The following GRID1 variants were observed in gnomAD, a reference collection of about 807,000 sequenced individuals.
GRID1 encodes glutamate receptor ionotropic, delta-1.
Under a neutral mutation model 98.0 loss-of-function variants are expected in GRID1, and 28 were observed. The ratio of observed to expected loss-of-function variants is 0.29; its 90% CI spans 0.21 to 0.39. The LOEUF is 0.39. Ranked by LOEUF, GRID1 falls within the 10% of genes least tolerant of loss-of-function variation. GRID1 has a pLI of 1.00. For synonymous variants in GRID1, 553 were observed against 538.5 expected (o/e 1.03, Z -0.37); for missense variants, 1,111 against 1,340.5 (o/e 0.83, Z 2.67).
chr10:85,662,786 G>C (rs1178594834), intron 12 of GRID1, among the ~76,000 whole-genome samples: 1 of 152,162 alleles, frequency 6.6e-6, no homozygotes, highest in Admixed American at 6.5e-5. Context: ...TGTGAGGTTG[G>C]GATGAATTCT....
intron 2 of GRID1, among the ~76,000 whole-genome samples, chr10:86,262,838 A>T (rs1847038087): frequency 6.6e-6 from 1 of 151,966 alleles, no homozygotes; most frequent in African/African-American, 2.4e-5. Flanking sequence ...CTCCTTTACC[A>T]TGGAGGCTTG....
intron 4 of GRID1, among the ~76,000 whole-genome samples, chr10:85,985,475 T>C (rs1274423988): frequency 6.6e-6 from 1 of 152,174 alleles, no homozygotes; most frequent in Non-Finnish European, 1.5e-5. Context: ...AACTAGACGG[T>C]CACCTTCAGA....
At chr10:86,309,992 C>T (rs1179539990) in intron 2 of GRID1, among the ~76,000 whole-genome samples, 3 of 152,202 alleles carry the variant, frequency 2.0e-5, no homozygotes, top group Admixed American at 6.5e-5. Flanking sequence ...CCACTACCAC[C>T]CCTTTATGTC....
chr10:86,048,253 T>G (rs1193662475), intron 4 of GRID1, among the ~76,000 whole-genome samples: 1 of 152,190 alleles, frequency 6.6e-6, no homozygotes, highest in Non-Finnish European at 1.5e-5. Context: ...TAATAGAGAA[T>G]AGAAGACATT....
chr10:86,320,487 T>C (rs1340351159), intron 2 of GRID1, among the ~76,000 whole-genome samples: 1 of 151,916 alleles, frequency 6.6e-6, no homozygotes, highest in African/African-American at 2.4e-5. Flanking sequence ...GTAGTCAAAG[T>C]CAGAAGGAGA....
chr10:85,905,668 G>T (rs77572156), intron 5 of GRID1, among the ~76,000 whole-genome samples: 1 of 152,064 alleles, frequency 6.6e-6, no homozygotes, highest in African/African-American at 2.4e-5. Context: ...AATATATGTG[G>T]TGTAGTATAA....
chr10:86,140,733 AATCACT>A (rs1249727428), intron 3 of GRID1, among the ~76,000 whole-genome samples: 1 of 152,202 alleles, frequency 6.6e-6, no homozygotes, highest in African/African-American at 2.4e-5. Context: ...CCCTCAGGCA[AATCACT>A]ATCCCTTTTG....
At chr10:86,323,888 C>T (rs1457911376) in intron 2 of GRID1, among the ~76,000 whole-genome samples, 1 of 152,116 alleles carries the variant, frequency 6.6e-6, no homozygotes, top group African/African-American at 2.4e-5. Context: ...ATCATTAAAA[C>T]TTTATTGAGG....
chr10:86,062,722 C>T (rs1329254007), intron 4 of GRID1, among the ~76,000 whole-genome samples: 2 of 152,232 alleles, frequency 1.3e-5, no homozygotes, highest in Admixed American at 6.5e-5. Flanking sequence ...CTCTCACCTA[C>T]CCTTCCAGAC....
At chr10:85,834,181 T>C (rs1449623919) in intron 8 of GRID1, among the ~76,000 whole-genome samples, 1 of 152,140 alleles carries the variant, frequency 6.6e-6, no homozygotes, top group Non-Finnish European at 1.5e-5. Flanking sequence ...TCAAGACATA[T>C]CATAATAAAA....
chr10:86,102,776 G>T (rs1395178243), intron 4 of GRID1, among the ~76,000 whole-genome samples: 1 of 152,008 alleles, frequency 6.6e-6, no homozygotes, highest in Non-Finnish European at 1.5e-5. Flanking sequence ...GGAAGGGCAG[G>T]TGATATGGTT....
intron 8 of GRID1, among the ~76,000 whole-genome samples, chr10:85,804,352 C>A (rs746610800): frequency 6.6e-6 from 1 of 151,620 alleles, no homozygotes; most frequent in Non-Finnish European, 1.5e-5. Flanking sequence ...TCTAAATAGA[C>A]CTGTAACAAT....
At chr10:85,966,698 C>T (rs1055648909) in intron 4 of GRID1, among the ~76,000 whole-genome samples, 2 of 151,834 alleles carry the variant, frequency 1.3e-5, no homozygotes, top group African/African-American at 4.8e-5. Flanking sequence ...CCTGTAATCC[C>T]AGCTACTCAG....
chr10:86,101,443 C>T (rs906588605), intron 4 of GRID1, among the ~76,000 whole-genome samples: 2 of 152,112 alleles, frequency 1.3e-5, no homozygotes, highest in Admixed American at 6.5e-5. Context: ...ATCCTCCTAT[C>T]CCTAGGCCTG....
chr10:86,310,268 C>A (rs1490030181), intron 2 of GRID1, among the ~76,000 whole-genome samples: 3 of 152,192 alleles, frequency 2.0e-5, no homozygotes, highest in Non-Finnish European at 4.4e-5. Context: ...CAGACATAGC[C>A]CAATGCCCCC....
intron 3 of GRID1, among the ~76,000 whole-genome samples, chr10:86,184,478 T>G (rs1477165638): frequency 4.0e-5 from 6 of 149,312 alleles, no homozygotes; most frequent in Admixed American, 2.0e-4. Context: ...TTTTTTTTTT[T>G]GCATACAGAA....
chr10:85,634,249 CCTCTCTCTCTCTCTCTCTCTCTCT>C (rs775506130), intron 13 of GRID1, among the ~76,000 whole-genome samples: 1 of 92,314 alleles, frequency 1.1e-5, no homozygotes, highest in Non-Finnish European at 2.1e-5. Context: ...TGATGGGGCA[CCTCTCTCTCTCTCTCTCTCTCTCT>C]CTCTCTCTCT....
chr10:85,955,470 G>C (rs751121430), intron 4 of GRID1, among the ~76,000 whole-genome samples: 1 of 152,212 alleles, frequency 6.6e-6, no homozygotes, highest in East Asian at 1.9e-4. Flanking sequence ...GCCTCTGCCC[G>C]GTCCCCTACC....
intron 5 of GRID1, among the ~76,000 whole-genome samples, chr10:85,901,281 T>G (rs1035277532): frequency 6.6e-6 from 1 of 151,374 alleles, no homozygotes; most frequent in Non-Finnish European, 1.5e-5. Context: ...AGTCTCGCTC[T>G]GTCGCCCAGG....
Sources: allele counts gnomAD v4.1 joint callset (sites outside exome capture counted in the v4.1 genomes callset), GRCh38; gene constraint gnomAD v4.1.1; transcripts MANE v1.5; gene names NCBI Gene and HGNC (gene_info 2026-07-23, HGNC 2026-07-21).